Variants in RORA observed in about 807,000 individuals in gnomAD.
RORA encodes the protein nuclear receptor ROR-alpha.
In RORA, 7 loss-of-function variants were observed where a neutral mutation model predicts 69.5. The ratio of observed to expected loss-of-function variants is 0.10; its 90% confidence interval spans 0.06 to 0.19. The LOEUF is 0.19. RORA is among the 10% of genes least tolerant of loss of function. The pLI is 1.00. For synonymous variants in RORA, 261 were observed against 240.8 expected, an observed-to-expected ratio of 1.08 and a Z score of -0.78; for missense variants, 457 against 663.0, an observed-to-expected ratio of 0.69 and a Z score of 3.41.
chr15:61,070,809 A>G (rs2078330836), intron 1 of RORA, among the ~76,000 whole-genome samples: 1 of 152,130 alleles, frequency 6.6e-6, no homozygotes, highest in Non-Finnish European at 1.5e-5. Flanking sequence ...CAAAAACCAT[A>G]TTTACTACAT....
At chr15:60,943,215 C>G (rs970840912) in intron 1 of RORA, among the ~76,000 whole-genome samples, 1 of 152,128 alleles carries the variant, frequency 6.6e-6, no homozygotes, top group South Asian at 2.1e-4. Context: ...GGGGCAAAAA[C>G]CAGGGTGCTG....
At chr15:60,607,281 A>G (rs2068969185) in intron 2 of RORA, among the ~76,000 whole-genome samples, 1 of 152,178 alleles carries the variant, frequency 6.6e-6, no homozygotes, top group Admixed American at 6.5e-5. Context: ...ATGACTTTGA[A>G]TCACTAAGGA....
intron 2 of RORA, among the ~76,000 whole-genome samples, chr15:60,552,114 G>A (rs997912762): frequency 3.3e-5 from 5 of 152,218 alleles, no homozygotes; most frequent in Non-Finnish European, 4.4e-5. Context: ...ACACGATGCA[G>A]CTGCAGGTGC....
intron 1 of RORA, among the ~76,000 whole-genome samples, chr15:60,757,043 CT>C (rs1282298038): frequency 2.6e-5 from 4 of 152,092 alleles, no homozygotes; most frequent in African/African-American, 9.7e-5. Context: ...CATTTTAAAA[CT>C]TTAACTCATT....
chr15:60,811,848 C>T (rs1300802519), intron 1 of RORA, among the ~76,000 whole-genome samples: 2 of 152,114 alleles, frequency 1.3e-5, no homozygotes, highest in Non-Finnish European at 2.9e-5. Flanking sequence ...AGCCAAGGAC[C>T]AAGGTGTGTT....
At chr15:60,679,014 G>C (rs979990034) in intron 1 of RORA, among the ~76,000 whole-genome samples, 1 of 152,136 alleles carries the variant, frequency 6.6e-6, no homozygotes, top group Non-Finnish European at 1.5e-5. Flanking sequence ...TTTATAGGCA[G>C]AGTGGGAAAG....
rs138366933 is a variant in RORA at position 60,593,281 on chromosome 15, A to C, written c.197-61430T>G. 2.2e-3 allele frequency: 364 copies of C among 165,726 alleles called. 5 individuals carry two copies. Among genetic ancestry groups the C allele is most frequent in the African/African-American group, 8.2e-3 (342 of 41,678 alleles). The allele number at this position is 165,726 out of a possible 1,614,324, so 10.3% of individuals were successfully genotyped here. On this transcript the variant is annotated intron_variant, in intron 2 of 10. Transcript: ENST00000335670. ...CTGATACCTGCAAGGAAAGCCGGAA[A>C]TTGTATGTGAATCACCTAAATGAAC...
At chr15:60,915,598 T>C (rs1226251940) in intron 1 of RORA, among the ~76,000 whole-genome samples, 1 of 152,232 alleles carries the variant, frequency 6.6e-6, no homozygotes, top group Non-Finnish European at 1.5e-5. Flanking sequence ...GTACTTGAAA[T>C]GCGGTATGAC....
chr15:60,556,694 G>A (rs537839961), intron 2 of RORA, among the ~76,000 whole-genome samples: 3 of 152,154 alleles, frequency 2.0e-5, no homozygotes, highest in South Asian at 2.1e-4. Context: ...TATTGGCCAC[G>A]AAAGAGATCC....
rs1277060589 is a variant in RORA at position 60,537,340 on chromosome 15, C to T, written c.197-5489G>A. ...GGTTGAAATGCACCTGGCTGTGAGC[C>T]TTGCTGCAGAGTGACTGCAACAGCC... On this transcript the variant is annotated intron_variant, in intron 2 of 10. Transcript: ENST00000335670. The surrounding 1 kb of genome is among the most constrained non-coding windows in gnomAD (Gnocchi z 4.9). Among the ~76,000 whole-genome samples, 1 of 152,314 alleles carries T rather than the reference C, an allele frequency of 6.6e-6. No individual in the cohort carries two copies. The highest frequency in any genetic ancestry group is 2.1e-4 in the South Asian group (1 of 4,830).
At chr15:60,509,470 G>A (rs2065621207) in intron 5 of RORA, among the ~76,000 whole-genome samples, 1 of 152,204 alleles carries the variant, frequency 6.6e-6, no homozygotes, top group African/African-American at 2.4e-5. Context: ...GAGCCTCAGG[G>A]AATCGGCTCA....
At chr15:60,662,059 G>T (rs2070311835) in intron 2 of RORA, among the ~76,000 whole-genome samples, 1 of 152,206 alleles carries the variant, frequency 6.6e-6, no homozygotes, top group Non-Finnish European at 1.5e-5. Flanking sequence ...ATGGAAGTCA[G>T]ATTTCATTAA....
intron 1 of RORA, among the ~76,000 whole-genome samples, chr15:60,941,553 T>C (rs963472416): frequency 7.2e-5 from 11 of 152,236 alleles, no homozygotes; most frequent in Admixed American, 6.5e-4. Context: ...TCGGGCTGAG[T>C]TCCCTGTCTG....
chr15:60,901,636 A>C (rs1440774471), intron 1 of RORA, among the ~76,000 whole-genome samples: 1 of 148,850 alleles, frequency 6.7e-6, no homozygotes, highest in Non-Finnish European at 1.5e-5. Context: ...AACTAAAAGA[A>C]AAATGAGTCC....
intron 1 of RORA, among the ~76,000 whole-genome samples, chr15:61,120,263 T>C (rs2079090123): frequency 6.6e-6 from 1 of 152,100 alleles, no homozygotes; most frequent in South Asian, 2.1e-4. Flanking sequence ...CACACCTCAA[T>C]GAAATTAAAA....
intron 2 of RORA, among the ~76,000 whole-genome samples, chr15:60,573,747 C>A (rs1008132396): frequency 2.0e-5 from 3 of 152,264 alleles, no homozygotes; most frequent in Non-Finnish European, 4.4e-5. Flanking sequence ...TAAGCCTTCA[C>A]TTCTTCCAAA....
At chr15:60,829,515 C>T (rs2073012316) in intron 1 of RORA, among the ~76,000 whole-genome samples, 1 of 152,184 alleles carries the variant, frequency 6.6e-6, no homozygotes, top group South Asian at 2.1e-4. Context: ...CCCACATTGA[C>T]TAGGAAGAAA....
intron 1 of RORA, among the ~76,000 whole-genome samples, chr15:60,800,851 T>A (rs933083647): frequency 1.3e-5 from 2 of 152,138 alleles, no homozygotes; most frequent in Non-Finnish European, 2.9e-5. Flanking sequence ...ACTCCAGCAT[T>A]TACTATGTTG....
rs1228713808 is a variant in RORA at position 60,988,676 on chromosome 15, C to T, written c.166+240377G>A. On this transcript the variant is annotated intron_variant, in intron 1 of 10. Transcript: ENST00000335670. ...CTCCAAACGCTGTAGCTGTCTCTGT[C>T]TATTCCCACCCCTCCAAAGACTCTA... is the stretch of plus-strand genomic sequence containing the variant. Among the ~76,000 whole-genome samples the T allele has an allele frequency of 2.0e-5, 3 of 152,302 alleles. 1 individual carries two copies. The East Asian group carries it at 5.8e-4, about 29-fold the overall frequency.
Sources: allele counts gnomAD v4.1 joint callset (sites outside exome capture counted in the v4.1 genomes callset), GRCh38; gene constraint gnomAD v4.1.1; non-coding constraint Gnocchi (gnomAD v3.1); transcripts MANE v1.5; gene names NCBI Gene and HGNC (gene_info 2026-07-23, HGNC 2026-07-21).